Variants in BCL2L11 observed in about 807,000 individuals in gnomAD.
BCL2L11 encodes the protein bcl-2-like protein 11.
BCL2L11 carries 15 observed loss-of-function variants against 20.6 expected under a neutral mutation model. That is an observed-to-expected ratio of 0.73 (90% CI 0.49 to 1.12). The LOEUF is 1.12. Among genes scored for constraint, BCL2L11 ranks in the 50% most tolerant of loss-of-function variants. The pLI is 0.00. For synonymous variants in BCL2L11, 108 were observed against 92.8 expected, an observed-to-expected ratio of 1.16 and a Z score of -0.94; for missense variants, 292 against 260.9, an observed-to-expected ratio of 1.12 and a Z score of -0.82.
At chr2:111,122,594 G>T (rs1400638310) in intron 1 of BCL2L11, 2 of 984,458 alleles carry the variant, frequency 2.0e-6, no homozygotes, top group Non-Finnish European at 1.2e-6. Context: ...GCGCGGGGAG[G>T]TCGGCGGTGC....
At chr2:111,147,910 A>T (rs952561980) in intron 2 of BCL2L11, among the ~76,000 whole-genome samples, 3 of 152,222 alleles carry the variant, frequency 2.0e-5, no homozygotes, top group Admixed American at 6.5e-5. Flanking sequence ...GCCCCGTGGG[A>T]GCAGGGCATG....
At chr2:111,128,376 C>T (rs1184415891) in intron 2 of BCL2L11, among the ~76,000 whole-genome samples, 1 of 152,014 alleles carries the variant, frequency 6.6e-6, no homozygotes, top group African/African-American at 2.4e-5. Flanking sequence ...CACTTTTTGG[C>T]TATTGTGAGT....
intron 1 of BCL2L11, chr2:111,123,394 A>G: frequency 1.0e-6 from 1 of 985,434 alleles, no homozygotes; most frequent in Non-Finnish European, 1.2e-6. Flanking sequence ...AGCCGCTGGG[A>G]GTTTCTGACT....
intron 2 of BCL2L11, among the ~76,000 whole-genome samples, chr2:111,147,889 C>T (rs1167189040): frequency 6.6e-6 from 1 of 152,208 alleles, no homozygotes; most frequent in African/African-American, 2.4e-5. Context: ...GGTTAATCTA[C>T]AAGAAGGTAA....
chr2:111,132,341 G>T (rs2074101594), intron 2 of BCL2L11: 1 of 152,140 alleles, frequency 6.6e-6, no homozygotes, highest in Non-Finnish European at 1.5e-5. Context: ...TTAGAACTCG[G>T]TTCTTCTTTA....
At chr2:111,121,257 C>A in intron 1 of BCL2L11, 69 bp downstream of exon 1, 1 of 200,196 alleles carries the variant, frequency 5.0e-6, no homozygotes, top group East Asian at 1.1e-4. Flanking sequence ...GCCCGAACGG[C>A]ACCACCTACT....
chr2:111,139,171 A>C (rs1029075232), intron 2 of BCL2L11, among the ~76,000 whole-genome samples: 2 of 152,200 alleles, frequency 1.3e-5, no homozygotes, highest in Non-Finnish European at 2.9e-5. Context: ...GGGCGTGGGA[A>C]GAGGAGGTCT....
At chr2:111,141,152 T>C (rs575126789) in intron 2 of BCL2L11, among the ~76,000 whole-genome samples, 1 of 152,340 alleles carries the variant, frequency 6.6e-6, no homozygotes, top group Admixed American at 6.5e-5. Flanking sequence ...GCAGTGGTCA[T>C]AGCAGTGTAG....
rs556301815 is a variant in BCL2L11 at position 111,168,210 on chromosome 2, G to C, written c.*3979G>C. 3 of 152,634 alleles carry C rather than the reference G, an allele frequency of 2.0e-5. No individual in the cohort carries two copies. In the East Asian group the frequency reaches 5.8e-4, roughly 29 times the overall value. 9.5% of individuals were successfully genotyped at this position (152,634 alleles called of 1,614,324 possible). ...TAGTTACTGTATCAGAACTCATCAG[G>C]TACCCACTTATAAATAGCACTGATC... On this transcript the variant is annotated 3_prime_UTR_variant, in exon 4 of 4. Transcript: ENST00000393256.
At chr2:111,164,044 G>A in intron 3 of BCL2L11, 89 bp from the exon 4 acceptor site, 1 of 833,248 alleles carries the variant, frequency 1.2e-6, no homozygotes, top group South Asian at 1.4e-5. Flanking sequence ...GATTAAGATG[G>A]GATTGGTTGT....
At chr2:111,158,678 A>G (rs190281137) in intron 3 of BCL2L11, among the ~76,000 whole-genome samples, 9 of 152,324 alleles carry the variant, frequency 5.9e-5, no homozygotes, top group East Asian at 3.9e-4. Flanking sequence ...TCAGAGTTCT[A>G]TAGGTATACC....
At position 111,167,560 on chromosome 2, in the gene BCL2L11, G is replaced by A. The variant is rs1180806234; in HGVS notation, c.*3329G>A. On this transcript the variant is annotated 3_prime_UTR_variant, in exon 4 of 4. Coordinates refer to ENST00000393256, the MANE Select transcript of BCL2L11 (RefSeq NM_138621.5). The stretch of plus-strand genomic sequence containing the variant: ...AGCGTTTAGAAAAGAAATAAAATGT[G>A]CCACTTCCAGAGGTGCTGCATTGCA... 6.6e-6 allele frequency: 1 copy of A among 152,208 alleles called. No homozygotes were observed. Among genetic ancestry groups the A allele is most frequent in the Non-Finnish European group, 1.5e-5 (1 of 68,036 alleles). 9.4% of individuals were successfully genotyped at this position (152,208 alleles called of 1,614,324 possible). A position where few individuals can be genotyped will look rare whatever the true frequency, so the allele number is the denominator to read the frequency against.
intron 2 of BCL2L11, chr2:111,144,487 G>A (rs2076248206): frequency 6.4e-7 from 1 of 1,550,486 alleles, no homozygotes; most frequent in Non-Finnish European, 8.7e-7. Context: ...TTGCCTTATA[G>A]CTAACTGGGA....
intron 2 of BCL2L11, 140 bp downstream of exon 2, chr2:111,124,279 A>C (rs1212971063): frequency 9.3e-7 from 1 of 1,074,108 alleles, no homozygotes; most frequent in Non-Finnish European, 1.3e-6. Flanking sequence ...GGATGTGTCA[A>C]ACTATCAAAC....
intron 1 of BCL2L11, chr2:111,123,201 CA>C (rs913017177): frequency 1.2e-4 from 117 of 985,370 alleles, no homozygotes; most frequent in Non-Finnish European, 1.4e-4. Flanking sequence ...GCTGGAGTTA[CA>C]AACTCTATTG....
At chr2:111,146,615 G>A (rs1024495380) in intron 2 of BCL2L11, among the ~76,000 whole-genome samples, 6 of 152,308 alleles carry the variant, frequency 3.9e-5, no homozygotes, top group South Asian at 4.1e-4. Flanking sequence ...TTCTCGTGCT[G>A]ATCGGTGCCA....
chr2:111,139,721 T>G (rs2075506479), intron 2 of BCL2L11, among the ~76,000 whole-genome samples: 1 of 152,220 alleles, frequency 6.6e-6, no homozygotes, highest in Non-Finnish European at 1.5e-5. Context: ...TTAACCCGTT[T>G]GTAAGAGGCC....
At chr2:111,156,642 T>C (rs1252071558) in intron 3 of BCL2L11, among the ~76,000 whole-genome samples, 1 of 152,132 alleles carries the variant, frequency 6.6e-6, no homozygotes, top group African/African-American at 2.4e-5. Flanking sequence ...ACAAGCGCGT[T>C]CTGTTACTCG....
intron 2 of BCL2L11, among the ~76,000 whole-genome samples, chr2:111,145,707 A>G (rs1258677086): frequency 6.6e-6 from 1 of 152,184 alleles, no homozygotes; most frequent in Non-Finnish European, 1.5e-5. Context: ...GAGTAGAACT[A>G]AAGTCCCTTG....
Sources: gnomAD v4.1 joint callset for allele counts (sites outside exome capture counted in the v4.1 genomes callset) on GRCh38, gnomAD v4.1.1 for gene constraint, MANE v1.5 for transcripts, NCBI Gene and HGNC (gene_info 2026-07-23, HGNC 2026-07-21) for gene names.